The following CACNG5 variants were observed in gnomAD, a reference collection of about 807,000 sequenced individuals.
CACNG5 encodes the protein calcium voltage-gated channel auxiliary subunit gamma 5, also known as voltage-dependent calcium channel gamma-5 subunit.
A neutral mutation model predicts 24.8 loss-of-function variants in CACNG5; 18 were observed. The observed-to-expected ratio is 0.73, with a 90% CI of 0.50 to 1.08. The LOEUF (loss-of-function observed/expected upper bound fraction) is 1.08. Among genes scored for constraint, CACNG5 ranks in the 50% least tolerant of loss-of-function variants. The pLI, the probability that CACNG5 is intolerant of heterozygous loss-of-function variation, is 0.00. For synonymous variants in CACNG5, 157 were observed against 149.1 expected, an observed-to-expected ratio of 1.05 and a Z score of -0.39; for missense variants, 349 against 367.9, an observed-to-expected ratio of 0.95 and a Z score of 0.42.
At chr17:66,879,450 C>T (rs958206035) in intron 3 of CACNG5, among the ~76,000 whole-genome samples, 1 of 152,222 alleles carries the variant, frequency 6.6e-6, no homozygotes, top group South Asian at 2.1e-4. Context: ...AGAAACTACC[C>T]TTATTTCAGA....
rs76784316 is a variant in CACNG5, at chr17:66,883,323, G to A, written c.425-1193G>A. On this transcript the variant is annotated intron_variant, in intron 4 of 5. Coordinates refer to ENST00000533854, the MANE Select transcript of CACNG5 (RefSeq NM_145811.3). ...CAGATCAGAAATCTAGGATTGAGAT[G>A]GGCCACATGAAGTCATTTCAATGAT... Among the ~76,000 whole-genome samples the A allele has an allele frequency of 5.6e-3, 850 of 152,234 alleles. 54 individuals are homozygous for A. The East Asian group carries it at 0.12, about 21-fold the overall frequency.
rs1196460718 is a variant in CACNG5 at position 66,886,757 on chromosome 17, A to G, written c.*1517A>G. On this transcript the variant is annotated 3_prime_UTR_variant, in exon 6 of 6. Transcript: ENST00000533854. ...GTCAGGCAGCCGGGCTGCCGCAATG[A>G]ACTACCACAGACTGAGTGGCTTAAA... 6.6e-6 allele frequency among the ~76,000 whole-genome samples: 1 copy of G among 152,220 alleles called. No homozygotes were observed. Among genetic ancestry groups the G allele is most frequent in the African/African-American group, 2.4e-5 (1 of 41,462 alleles).
chr17:66,840,431 C>T (rs958416633), intron 1 of CACNG5, among the ~76,000 whole-genome samples: 4 of 152,160 alleles, frequency 2.6e-5, no homozygotes, highest in Admixed American at 6.5e-5. Context: ...GATGCTGCCC[C>T]GGCTTCCCCA....
intron 1 of CACNG5, among the ~76,000 whole-genome samples, chr17:66,870,172 TG>T (rs1032628786): frequency 2.0e-5 from 3 of 152,174 alleles, no homozygotes; most frequent in Non-Finnish European, 2.9e-5. Flanking sequence ...GTGTGGAATT[TG>T]GGAAGTGCTC....
intron 1 of CACNG5, among the ~76,000 whole-genome samples, chr17:66,866,752 G>A (rs905411103): frequency 5.9e-5 from 9 of 152,264 alleles, no homozygotes; most frequent in African/African-American, 2.2e-4. Context: ...AGTTTGCTGA[G>A]GATGATGGCT....
intron 1 of CACNG5, among the ~76,000 whole-genome samples, chr17:66,863,395 C>T (rs1976891000): frequency 2.0e-5 from 3 of 151,708 alleles, no homozygotes; most frequent in Non-Finnish European, 4.4e-5. Flanking sequence ...CAGATGGAGT[C>T]TCACTTTGTC....
chr17:66,884,489 A>T (rs748237496), intron 4 of CACNG5, 27 bp from the exon 5 acceptor site: 1 of 1,583,320 alleles, frequency 6.3e-7, no homozygotes, highest in African/African-American at 1.3e-5. Flanking sequence ...TGGGCTGAGC[A>T]TCCCCTCTCC....
chr17:66,876,759 T>C (rs1255346866), intron 1 of CACNG5, among the ~76,000 whole-genome samples: 1 of 152,194 alleles, frequency 6.6e-6, no homozygotes, highest in East Asian at 1.9e-4. Context: ...CAGAGACTAT[T>C]TGAGCCTCAG....
chr17:66,870,160 G>A (rs183892063), intron 1 of CACNG5, among the ~76,000 whole-genome samples: 8 of 152,132 alleles, frequency 5.3e-5, no homozygotes, highest in South Asian at 2.1e-4. Context: ...ATGATTTTGC[G>A]GGTGTGGAAT....
At chr17:66,835,683 C>T (rs1168025943) in intron 1 of CACNG5, among the ~76,000 whole-genome samples, 1 of 152,176 alleles carries the variant, frequency 6.6e-6, no homozygotes, top group African/African-American at 2.4e-5. Context: ...TCCAACTCCC[C>T]GCTTATCACA....
At position 66,849,954 on chromosome 17, in the gene CACNG5, T is replaced by C. The variant is rs73994647; in HGVS notation, c.-104+14704T>C. Among the ~76,000 whole-genome samples the C allele has an allele frequency of 6.3e-3, 965 of 152,264 alleles. 10 individuals carry two copies. The highest frequency in any genetic ancestry group is 0.022 in the African/African-American group (919 of 41,536). Reference sequence around the variant, plus strand: ...TTAGATCACTGTGAAGGTCTAGAAATTAAATAATTAAGGAAGAAGAATTAA... The same window carrying C: ...TTAGATCACTGTGAAGGTCTAGAAACTAAATAATTAAGGAAGAAGAATTAA... On this transcript the variant is annotated intron_variant, in intron 1 of 5. Coordinates refer to ENST00000533854, the MANE Select transcript of CACNG5 (RefSeq NM_145811.3).
chr17:66,868,125 G>GCT lies in CACNG5; in HGVS notation c.-103-9097_-103-9096dup, dbSNP rs1976954597. On this transcript the variant is annotated intron_variant, in intron 1 of 5. Coordinates refer to ENST00000533854, the MANE Select transcript of CACNG5 (RefSeq NM_145811.3). ...TGGACTTTCAATAAAGGCACCGTCA[G>GCT]CTCTCTCTCCAGCTGGACTTCTTCT... Among the ~76,000 whole-genome samples the GCT allele has an allele frequency of 2.0e-5, 3 of 152,322 alleles. No homozygotes were observed. In the South Asian group the frequency reaches 6.2e-4, roughly 32 times the overall value.
rs1977247160 is a variant in CACNG5 at position 66,885,532 on chromosome 17, C to T, written c.*292C>T. ...GCTCCAGGAAGCCAGCAGCTCCCCC[C>T]AAGCCCAGGAGACACCGATGTTCCC... On this transcript the variant is annotated 3_prime_UTR_variant, in exon 6 of 6. Transcript: ENST00000533854. The T allele has an allele frequency of 2.3e-6, 1 of 429,822 alleles. No individual in the cohort carries two copies. Among genetic ancestry groups the T allele is most frequent in the Admixed American group, 4.0e-5 (1 of 24,998 alleles). The allele number at this position is 429,822 out of a possible 1,614,324, so 26.6% of individuals were successfully genotyped here. A position where few individuals can be genotyped will look rare whatever the true frequency, so the allele number is the denominator to read the frequency against.
At chr17:66,869,118 C>G (rs1255445261) in intron 1 of CACNG5, among the ~76,000 whole-genome samples, 1 of 152,106 alleles carries the variant, frequency 6.6e-6, no homozygotes, top group African/African-American at 2.4e-5. Context: ...GAGTCTCGCT[C>G]TGTCATCCAG....
intron 1 of CACNG5, among the ~76,000 whole-genome samples, chr17:66,857,937 A>G (rs908400563): frequency 1.3e-5 from 2 of 152,148 alleles, no homozygotes; most frequent in African/African-American, 2.4e-5. Context: ...CCCAGATGAC[A>G]CTCATGGGCA....
Position 66,836,677 on chromosome 17 carries a change from C to T in CACNG5, c.-104+1427C>T, listed in dbSNP as rs928781734. 2.1e-4 allele frequency among the ~76,000 whole-genome samples: 32 copies of T among 152,332 alleles called. 1 individual carries two copies. In the East Asian group the frequency reaches 2.7e-3, roughly 13 times the overall value. On this transcript the variant is annotated intron_variant, in intron 1 of 5. Transcript: ENST00000533854. ...GGTGCCTAACAGGGTGAAATCTGTG[C>T]TTGTGCCTGAGACCTCCCCACCCCC...
At chr17:66,844,799 G>A (rs1035486801) in intron 1 of CACNG5, among the ~76,000 whole-genome samples, 3 of 152,160 alleles carry the variant, frequency 2.0e-5, no homozygotes, top group African/African-American at 7.2e-5. Flanking sequence ...GGCACAGACA[G>A]GTTAAGTAAC....
At chr17:66,851,024 G>C (rs1464673050) in intron 1 of CACNG5, among the ~76,000 whole-genome samples, 2 of 152,000 alleles carry the variant, frequency 1.3e-5, no homozygotes, top group Admixed American at 6.6e-5. Context: ...ACGTGGTCTT[G>C]GGCCCCCGCA....
intron 1 of CACNG5, among the ~76,000 whole-genome samples, chr17:66,849,712 C>T (rs1270305550): frequency 6.6e-6 from 1 of 152,198 alleles, no homozygotes; most frequent in Non-Finnish European, 1.5e-5. Flanking sequence ...CCCACAATGT[C>T]ATCTTCCTAG....
Sources: gnomAD v4.1 joint callset for allele counts (sites outside exome capture counted in the v4.1 genomes callset) on GRCh38, gnomAD v4.1.1 for gene constraint, MANE v1.5 for transcripts, NCBI Gene and HGNC (gene_info 2026-07-23, HGNC 2026-07-21) for gene names.